PDE10A: variants seen among roughly 807,000 people sequenced by gnomAD.
The protein encoded by PDE10A is phosphodiesterase 10A, also known as cAMP and cAMP-inhibited cGMP 3',5'-cyclic phosphodiesterase 10A.
In PDE10A, 39 loss-of-function variants were observed where a neutral mutation model predicts 97.7. The ratio of observed to expected loss-of-function variants is 0.40; its 90% CI spans 0.31 to 0.52. The LOEUF (loss-of-function observed/expected upper bound fraction) is 0.52. Ranked by LOEUF, PDE10A falls within the 20% of genes least tolerant of loss-of-function variation. The pLI, the probability that PDE10A is intolerant of heterozygous loss-of-function variation, is 0.56. For synonymous variants in PDE10A, 371 were observed against 376.8 expected, an observed-to-expected ratio of 0.98 and a Z score of 0.18; for missense variants, 731 against 1,047.8, an observed-to-expected ratio of 0.70 and a Z score of 4.17.
chr6:165,923,497 G>A (rs992464332), intron 1 of PDE10A, among the ~76,000 whole-genome samples: 3 of 152,186 alleles, frequency 2.0e-5, no homozygotes, highest in African/African-American at 4.8e-5. Context: ...TAAACAATGC[G>A]AAGACAGGCT....
At chr6:165,970,576 A>G (rs1040153870) in intron 1 of PDE10A, among the ~76,000 whole-genome samples, 4 of 152,224 alleles carry the variant, frequency 2.6e-5, no homozygotes, top group Admixed American at 6.5e-5. Context: ...ATTTAATAGA[A>G]GAAATGACTC....
chr6:165,619,029 C>CTAGCA (rs1562633553), intron 1 of PDE10A, among the ~76,000 whole-genome samples: 8 of 25,688 alleles, frequency 3.1e-4, no homozygotes, highest in Middle Eastern at 0.053. Flanking sequence ...CTAGCATAGT[C>CTAGCA]TAGTGTAGTG....
intron 13 of PDE10A, among the ~76,000 whole-genome samples, chr6:165,409,183 G>GA: frequency 7.4e-6 from 1 of 134,974 alleles, no homozygotes; most frequent in Non-Finnish European, 1.6e-5. Context: ...AAAAAAAAAA[G>GA]AAAAAAGGTA....
At chr6:165,838,372 T>C (rs1427368629) in intron 1 of PDE10A, among the ~76,000 whole-genome samples, 3 of 152,250 alleles carry the variant, frequency 2.0e-5, no homozygotes, top group Non-Finnish European at 4.4e-5. Context: ...ATTCAGGGTT[T>C]TTATTGACAT....
At chr6:165,615,594 T>TA (rs1787691889) in intron 1 of PDE10A, among the ~76,000 whole-genome samples, 1 of 152,218 alleles carries the variant, frequency 6.6e-6, no homozygotes, top group Non-Finnish European at 1.5e-5. Context: ...GAGGTTCTTT[T>TA]AAAAATGACA....
intron 2 of PDE10A, among the ~76,000 whole-genome samples, chr6:165,532,279 C>A (rs534467): frequency 0.69 from 104,461 of 150,904 alleles, 39,425 homozygotes; most frequent in Non-Finnish European, 0.83. Flanking sequence ...CATGTTTATT[C>A]TCCATAAGGA....
At chr6:165,471,306 T>C (rs1182603050) in intron 3 of PDE10A, among the ~76,000 whole-genome samples, 1 of 152,170 alleles carries the variant, frequency 6.6e-6, no homozygotes, top group South Asian at 2.1e-4. Flanking sequence ...AAATGTTATG[T>C]TCCAGGGTTG....
At chr6:165,904,226 A>T (rs1562791132) in intron 1 of PDE10A, among the ~76,000 whole-genome samples, 1 of 152,218 alleles carries the variant, frequency 6.6e-6, no homozygotes, top group Non-Finnish European at 1.5e-5. Flanking sequence ...GTCTTTGAGA[A>T]GAGAGAGGGG....
chr6:165,879,051 T>C (rs993984997), intron 1 of PDE10A, among the ~76,000 whole-genome samples: 10 of 152,176 alleles, frequency 6.6e-5, no homozygotes, highest in Admixed American at 5.9e-4. Flanking sequence ...ACAGCAGCAA[T>C]AGACACTGAT....
At chr6:165,917,638 A>T (rs180965242) in intron 1 of PDE10A, among the ~76,000 whole-genome samples, 1 of 152,200 alleles carries the variant, frequency 6.6e-6, no homozygotes, top group Non-Finnish European at 1.5e-5. Context: ...TAACTGAATA[A>T]AGTAAAAGAA....
chr6:165,756,542 A>C (rs1163984441), intron 1 of PDE10A, among the ~76,000 whole-genome samples: 1 of 152,044 alleles, frequency 6.6e-6, no homozygotes, highest in Non-Finnish European at 1.5e-5. Flanking sequence ...TTCTTTTAAT[A>C]TTGTATCTTT....
intron 1 of PDE10A, among the ~76,000 whole-genome samples, chr6:165,864,362 C>T (rs1780984054): frequency 6.6e-6 from 1 of 152,138 alleles, no homozygotes; most frequent in South Asian, 2.1e-4. Flanking sequence ...CCCTGAAAAA[C>T]ATAACAGAGG....
At chr6:165,682,012 A>G (rs1318612239) in intron 1 of PDE10A, among the ~76,000 whole-genome samples, 1 of 152,226 alleles carries the variant, frequency 6.6e-6, no homozygotes, top group African/African-American at 2.4e-5. Context: ...AGCTATCGTG[A>G]ACGCCCTCTA....
intron 18 of PDE10A, among the ~76,000 whole-genome samples, chr6:165,377,572 A>C (rs1051071447): frequency 3.8e-4 from 58 of 152,170 alleles, no homozygotes; most frequent in African/African-American, 1.3e-3. Flanking sequence ...TATTATAATA[A>C]TCATTGTAAT....
intron 8 of PDE10A, among the ~76,000 whole-genome samples, chr6:165,431,204 T>C (rs11758795): frequency 0.15 from 22,959 of 151,312 alleles, 2,142 homozygotes; most frequent in African/African-American, 0.25. Flanking sequence ...TATATAGATA[T>C]ATATGTATGT....
intron 1 of PDE10A, among the ~76,000 whole-genome samples, chr6:165,824,777 G>T (rs6926525): frequency 0.59 from 89,982 of 151,664 alleles, 28,580 homozygotes; most frequent in East Asian, 0.87. Flanking sequence ...GGAAAAAAAA[G>T]CATTTTAATT....
chr6:165,702,573 G>A (rs140656429), intron 1 of PDE10A, among the ~76,000 whole-genome samples: 101 of 152,354 alleles, frequency 6.6e-4, no homozygotes, highest in Middle Eastern at 3.4e-3. Flanking sequence ...GACAAGAAGT[G>A]TACAATTAAG....
At chr6:165,523,700 T>G (rs1172684426) in intron 2 of PDE10A, among the ~76,000 whole-genome samples, 4 of 152,138 alleles carry the variant, frequency 2.6e-5, no homozygotes, top group African/African-American at 9.7e-5. Context: ...CTTGTGAACA[T>G]CAGACTTGGC....
intron 1 of PDE10A, among the ~76,000 whole-genome samples, chr6:165,933,198 G>C (rs1456434548): frequency 6.6e-6 from 1 of 152,150 alleles, no homozygotes; most frequent in African/African-American, 2.4e-5. Flanking sequence ...CTAGACATGA[G>C]AAGACCCGAA....
Sources: gnomAD v4.1 joint callset for allele counts (sites outside exome capture counted in the v4.1 genomes callset) on GRCh38, gnomAD v4.1.1 for gene constraint, MANE v1.5 for transcripts, NCBI Gene and HGNC (gene_info 2026-07-23, HGNC 2026-07-21) for gene names.